Variants in PRAMEF11 observed in about 807,000 individuals in gnomAD.
The protein encoded by PRAMEF11 is PRAME family member 11.
PRAMEF11 carries 17 observed loss-of-function variants against 33.6 expected under a neutral mutation model. The observed-to-expected ratio is 0.51, with a 90% CI of 0.35 to 0.76. The LOEUF is 0.76. Among genes scored for constraint, PRAMEF11 ranks in the 30% least tolerant of loss-of-function variants. PRAMEF11 has a pLI of 0.01. For missense variants in PRAMEF11, 568 were observed against 567.0 expected (o/e 1.00, Z -0.02); for synonymous variants, 205 against 227.3 (o/e 0.90, Z 0.88).
In PRAMEF11 at chr1:12,828,717, AG is replaced by A. The variant is rs1315729363; in HGVS notation, c.72del (p.Leu25TrpfsTer30). On this transcript the variant is annotated frameshift_variant, in exon 2 of 4. Coordinates refer to ENST00000619922, the MANE Select transcript of PRAMEF11 (RefSeq NM_001146344.3). LOFTEE classifies it high-confidence loss of function. ...AGCTCCTCCAGGGTGGAGACGGCCA[AG>A]GCTTGGTCCCTCAGCAGGCTCCGCC... ...LAGRSLLRDQ[A>X]LAVSTLEELP... 7 of 1,610,226 alleles carry A rather than the reference AG, an allele frequency of 4.3e-6. 1 individual carries two copies. Among genetic ancestry groups the A allele is most frequent in the Non-Finnish European group, 2.5e-6 (3 of 1,178,048 alleles).
In PRAMEF11 at chr1:12,824,699, T is replaced by A; in HGVS notation, c.*243A>T. 1.8e-6 allele frequency: 1 copy of A among 558,606 alleles called. No individual in the cohort carries two copies. The highest frequency in any genetic ancestry group is 3.1e-6 in the Non-Finnish European group (1 of 317,980). The allele number at this position is 558,606 out of a possible 1,614,324, so 34.6% of individuals were successfully genotyped here. The stretch of plus-strand genomic sequence containing the variant: ...ATGTATTCTCAAGCCTGAATTCCAC[T>A]CTAGACATTCAGATTCCCATTTTCG... On this transcript the variant is annotated 3_prime_UTR_variant, in exon 4 of 4. Transcript: ENST00000619922.
In PRAMEF11 at chr1:12,825,125, C is replaced by A. The variant is rs2994113; in HGVS notation, c.1254G>T (p.Pro418=). Residue 418 remains proline, a synonymous_variant, in exon 4 of 4, where the codon CCG becomes CCT. Coordinates refer to ENST00000619922, the MANE Select transcript of PRAMEF11 (RefSeq NM_001146344.3). ...KNLCLELYPA[P]QESYGADGTL... ...TACCATCAGCACCATAACTTTCCTGCGGGGCAGGATACAGCTCCAGGCATA... is the reference window on the plus strand; with the variant it reads ...TACCATCAGCACCATAACTTTCCTGAGGGGCAGGATACAGCTCCAGGCATA... 6.8e-6 allele frequency: 11 copies of A among 1,609,446 alleles called. 1 individual carries two copies. The highest frequency in any genetic ancestry group is 2.7e-5 in the African/African-American group (2 of 74,814).
At chr1:12,830,999 C>CAAAAAAA in intron 1 of PRAMEF11, among the ~76,000 whole-genome samples, 1 of 132,288 alleles carries the variant, frequency 7.6e-6, no homozygotes. Context: ...TCCCCACCCT[C>CAAAAAAA]AAAAAAAAAA....
chr1:12,828,865 A>G lies in PRAMEF11; in HGVS notation c.-16-60T>C, dbSNP rs543985671. 4.6e-5 allele frequency: 73 copies of G among 1,595,048 alleles called. No homozygotes were observed. The African/African-American group carries it at 7.3e-4, about 16-fold the overall frequency. On this transcript the variant is annotated intron_variant, in intron 1 of 3. Transcript: ENST00000619922. ...TCTCAGGCCAAGCCCATGCAATCTC[A>G]TCTTCTCCCAGGGCCAAAGTCACTG...
chr1:12,827,162 T>C (rs960369541), intron 3 of PRAMEF11, 87 bp downstream of exon 3: 4 of 1,571,858 alleles, frequency 2.5e-6, no homozygotes, highest in Non-Finnish European at 3.5e-6. Context: ...TACATCCTCA[T>C]AGGCTGGCTC....
intron 1 of PRAMEF11, among the ~76,000 whole-genome samples, chr1:12,830,739 AG>A (rs1429577673): frequency 1.3e-5 from 2 of 150,658 alleles, no homozygotes; most frequent in Non-Finnish European, 3.0e-5. Context: ...CTGTAATCCC[AG>A]CACTTTGGGA....
At chr1:12,826,045 A>C (rs1639858327) in intron 3 of PRAMEF11, among the ~76,000 whole-genome samples, 1 of 150,432 alleles carries the variant, frequency 6.6e-6, no homozygotes, top group African/African-American at 2.4e-5. Context: ...GGAATGGATC[A>C]AGTTCACAGA....
chr1:12,825,217 A>G lies in PRAMEF11; in HGVS notation c.1162T>C (p.Cys388Arg), dbSNP rs756838204. The G allele has an allele frequency of 3.1e-6, 5 of 1,607,558 alleles. No homozygotes were observed. In the Admixed American group the frequency reaches 6.7e-5, roughly 22 times the overall value. ...RCFELNTFSF[C>R]GNPICMATLE... ...GTGGCCATGCAGATGGGATTTCCACAGAAGCTGAAGGTGTTGAGCTCAAAG... is the reference window on the plus strand; with the variant it reads ...GTGGCCATGCAGATGGGATTTCCACGGAAGCTGAAGGTGTTGAGCTCAAAG... Residue 388 changes from cysteine (C) to arginine (R), a missense_variant, in exon 4 of 4, where the codon TGT becomes CGT. Cys to Arg is a radical substitution (Grantham distance 180). Coordinates refer to ENST00000619922, the MANE Select transcript of PRAMEF11 (RefSeq NM_001146344.3).
chr1:12,827,879 A>T (rs1436925523), intron 2 of PRAMEF11, 49 bp from the exon 3 acceptor site: 46 of 1,601,550 alleles, frequency 2.9e-5, no homozygotes, highest in Non-Finnish European at 3.7e-5. Flanking sequence ...TCATTTCTGA[A>T]CTTAAACTCC....
chr1:12,827,034 C>G (rs1639883600), intron 3 of PRAMEF11, among the ~76,000 whole-genome samples: 1 of 151,206 alleles, frequency 6.6e-6, no homozygotes, highest in Non-Finnish European at 1.5e-5. Context: ...GGCAGCCTCT[C>G]TATAGCATCT....
In PRAMEF11 at chr1:12,831,364, G is replaced by A. The variant is rs564562445; in HGVS notation, c.-25C>T. On this transcript the variant is annotated 5_prime_UTR_variant, in exon 1 of 4. Coordinates refer to ENST00000619922, the MANE Select transcript of PRAMEF11 (RefSeq NM_001146344.3). Reference sequence around the variant, plus strand: ...AGAAATTAGTGACTTACCAGATCTGGATGTAGTCTAGAAGGTGCTCAGACC... The same window carrying A: ...AGAAATTAGTGACTTACCAGATCTGAATGTAGTCTAGAAGGTGCTCAGACC... The A allele has an allele frequency of 3.3e-5, 5 of 151,080 alleles. No homozygotes were observed. Among genetic ancestry groups the A allele is most frequent in the Non-Finnish European group, 7.4e-5 (5 of 67,756 alleles). 9.4% of individuals were successfully genotyped at this position (151,080 alleles called of 1,614,324 possible). A position where few individuals can be genotyped will look rare whatever the true frequency, so the allele number is the denominator to read the frequency against.
chr1:12,826,955 A>G lies in PRAMEF11; in HGVS notation c.875+294T>C, dbSNP rs191606137. ...TTTCATCATCTTAACTTAGACACAC[A>G]TCCTCAGGAAGAATTCAGAAAGGCA... On this transcript the variant is annotated intron_variant, in intron 3 of 3. Transcript: ENST00000619922. Among the ~76,000 whole-genome samples, 522 of 150,352 alleles carry G rather than the reference A, an allele frequency of 3.5e-3. 10 individuals are homozygous for G. The highest frequency in any genetic ancestry group is 7.3e-3 in the African/African-American group (298 of 41,040).
At position 12,828,790 on chromosome 1, in the gene PRAMEF11, G is replaced by A. The variant is rs747970487; in HGVS notation, c.-1C>T. Reference sequence around the variant, plus strand: ...GTGGAATCCGGATGCTCATCTTCATGAATCTGCAGGGAAAACTTCCAGAGG... The same window carrying A: ...GTGGAATCCGGATGCTCATCTTCATAAATCTGCAGGGAAAACTTCCAGAGG... On this transcript the variant is annotated 5_prime_UTR_variant, in exon 2 of 4. Coordinates refer to ENST00000619922, the MANE Select transcript of PRAMEF11 (RefSeq NM_001146344.3). The A allele has an allele frequency of 2.5e-6, 4 of 1,609,138 alleles. 1 individual carries two copies. Among genetic ancestry groups the A allele is most frequent in the Admixed American group, 1.7e-5 (1 of 59,734 alleles).
intron 3 of PRAMEF11, among the ~76,000 whole-genome samples, chr1:12,825,972 A>AT (rs1331051465): frequency 1.8e-5 from 1 of 55,988 alleles, no homozygotes; most frequent in Non-Finnish European, 3.7e-5. Flanking sequence ...ATACTCTATT[A>AT]AAAAAAAAAA....
Position 12,828,566 on chromosome 1 carries a change from G to A in PRAMEF11, c.224C>T (p.Pro75Leu). 6 of 1,606,168 alleles carry A rather than the reference G, an allele frequency of 3.7e-6. No individual in the cohort carries two copies. The highest frequency in any genetic ancestry group is 5.1e-6 in the Non-Finnish European group (6 of 1,176,318). The change falls in exon 2 of 4, where the codon CCT (proline) becomes CTT (leucine). Residue 75 changes from proline (P) to leucine (L), a missense_variant. Pro to Leu is a moderately conservative substitution (Grantham distance 98). This residue lies in a region of PRAMEF11 where 342 missense variants were observed against 312.0 expected (regional missense o/e 1.10). Transcript: ENST00000619922. ...RLPLRPLIKM[P>L]CLEAFQAVLD... ...CACAGCTTGGAAGGCCTCCAGACAA[G>A]GCATCTTTATCAGAGGCCTCAGAGG... is the stretch of plus-strand genomic sequence containing the variant.
chr1:12,827,900 T>A, intron 2 of PRAMEF11, 70 bp from the exon 3 acceptor site: 4 of 1,595,178 alleles, frequency 2.5e-6, no homozygotes, highest in Non-Finnish European at 3.4e-6. Flanking sequence ...ACATCCTGCA[T>A]AGCAGCTCCT....
Position 12,827,804 on chromosome 1 carries a change from A to G in PRAMEF11, c.320T>C (p.Leu107Ser), listed in dbSNP as rs1639907297. The change falls in exon 3 of 4, where the codon TTA (leucine) becomes TCA (serine). Residue 107 changes from leucine to serine, a missense_variant. Around this residue, in one of 3 missense-constraint regions of PRAMEF11, gnomAD observed 342 missense variants for 312.0 expected, o/e 1.10. Transcript: ENST00000619922. ...CCAGAAGTTCTCACAGACATCCTGT[A>G]AATCCAGCACTTGAAGTTTCCATCT... ...PRRWKLQVLDLQDVCENFWMV... is the reference protein window; with the variant it reads ...PRRWKLQVLDSQDVCENFWMV... 4 of 1,607,840 alleles carry G rather than the reference A, an allele frequency of 2.5e-6. No homozygotes were observed. The highest frequency in any genetic ancestry group is 3.4e-6 in the Non-Finnish European group (4 of 1,177,946).
Position 12,827,937 on chromosome 1 carries a change from C to G in PRAMEF11, c.294-107G>C, listed in dbSNP as rs980582718. ...CCCTCCCTGCTTGTTGTCCCTCTCT[C>G]TGAGTTTTCTTCACCCTGTTTTCCC... On this transcript the variant is annotated intron_variant, in intron 2 of 3. Coordinates refer to ENST00000619922, the MANE Select transcript of PRAMEF11 (RefSeq NM_001146344.3). 6 of 1,570,720 alleles carry G rather than the reference C, an allele frequency of 3.8e-6. No individual in the cohort carries two copies. The African/African-American group carries it at 5.4e-5, about 14-fold the overall frequency.
rs779941529 is a variant in PRAMEF11 at position 12,825,137 on chromosome 1, C to T, written c.1242G>A (p.Leu414=). 2 of 1,609,240 alleles carry T rather than the reference C, an allele frequency of 1.2e-6. No individual in the cohort carries two copies. Among genetic ancestry groups the T allele is most frequent in the African/African-American group, 1.3e-5 (1 of 74,698 alleles). The change falls in exon 4 of 4, where the codon CTG becomes CTA. Residue 414 remains leucine (L), a synonymous_variant. Transcript: ENST00000619922. ...TIILKNLCLE[L]YPAPQESYGA... is the part of the protein sequence containing the mutation. The stretch of plus-strand genomic sequence containing the variant: ...CATAACTTTCCTGCGGGGCAGGATA[C>T]AGCTCCAGGCATAAGTTTTTGAGTA...
Sources: allele counts gnomAD v4.1 joint callset (sites outside exome capture counted in the v4.1 genomes callset), GRCh38; gene constraint gnomAD v4.1.1; regional missense constraint gnomAD v4.1.1; transcripts MANE v1.5; gene names NCBI Gene and HGNC (gene_info 2026-07-23, HGNC 2026-07-21).